Variants in POLDIP2 observed in about 807,000 individuals in gnomAD.
POLDIP2 encodes the protein DNA polymerase delta interacting protein 2, also known as polymerase delta-interacting protein 2.
Under a neutral mutation model 52.9 loss-of-function variants are expected in POLDIP2, and 32 were observed. That is an observed-to-expected ratio of 0.61 (90% CI 0.46 to 0.81). The LOEUF is 0.81. POLDIP2 is among the 40% of genes least tolerant of loss of function. POLDIP2 has a pLI of 0.00. For missense variants in POLDIP2, 371 were observed against 477.3 expected, an observed-to-expected ratio of 0.78 and a Z score of 2.07; for synonymous variants, 183 against 183.0, an observed-to-expected ratio of 1.00 and a Z score of 0.00.
At chr17:28,355,691 G>A (rs1555580766) in intron 2 of POLDIP2, 104 bp downstream of exon 2, 1 of 553,976 alleles carries the variant, frequency 1.8e-6, no homozygotes, top group Non-Finnish European at 3.2e-6. Context: ...ACATCAAGGT[G>A]GAATGAATGG....
chr17:28,354,806 A>T (rs1555580623), intron 2 of POLDIP2, among the ~76,000 whole-genome samples: 2 of 152,170 alleles, frequency 1.3e-5, no homozygotes, highest in Non-Finnish European at 2.9e-5. Flanking sequence ...GGCCTCCAGG[A>T]AGCCTTCCCT....
chr17:28,357,499 C>T lies in POLDIP2; in HGVS notation c.-51G>A. The stretch of plus-strand genomic sequence containing the variant: ...GCTGACACAGAGCCCGACCCGCGGC[C>T]GGGCGGCGTTCCGCCCCAGTCCCAC... On this transcript the variant is annotated 5_prime_UTR_variant, in exon 1 of 11. Coordinates refer to ENST00000540200, the MANE Select transcript of POLDIP2 (RefSeq NM_015584.5). 3 of 1,433,822 alleles carry T rather than the reference C, an allele frequency of 2.1e-6. No homozygotes were observed. The highest frequency in any genetic ancestry group is 2.7e-6 in the Non-Finnish European group (3 of 1,104,812). The allele number at this position is 1,433,822 out of a possible 1,614,324, so 88.8% of individuals were successfully genotyped here.
At chr17:28,353,520 C>CA (rs71135829) in intron 4 of POLDIP2, among the ~76,000 whole-genome samples, 175 bp downstream of exon 4, 40,820 of 54,908 alleles carry the variant, frequency 0.74, 16,106 homozygotes, top group Middle Eastern at 0.82. Context: ...GACTCCATAT[C>CA]AAAAAAAAAA....
intron 6 of POLDIP2, among the ~76,000 whole-genome samples, chr17:28,352,237 CTTT>C (rs782311219): frequency 1.0e-4 from 9 of 87,646 alleles, no homozygotes; most frequent in African/African-American, 1.9e-4. Context: ...GGAATTATTT[CTTT>C]TTTTTTTTTT....
intron 2 of POLDIP2, among the ~76,000 whole-genome samples, chr17:28,354,837 C>T (rs61504066): frequency 0.013 from 2,034 of 152,318 alleles, 42 homozygotes; most frequent in African/African-American, 0.046. Context: ...CCACTTAGCA[C>T]AATGTACAGC....
intron 4 of POLDIP2, 49 bp from the exon 5 acceptor site, chr17:28,353,365 T>C: frequency 9.7e-7 from 1 of 1,029,440 alleles, no homozygotes; most frequent in Non-Finnish European, 1.5e-6. Flanking sequence ...TGCTAAAAAG[T>C]ACAAAAATTA....
At position 28,349,030 on chromosome 17, in the gene POLDIP2, C is replaced by T. The variant is rs1399886360; in HGVS notation, c.992+53G>A. ...TCTAAGCTCTCACTTTTCTGACCTA[C>T]AGCTTCTGTTTGTGGAGCTGGGTGG... On this transcript the variant is annotated intron_variant, in intron 10 of 10. Transcript: ENST00000540200. The T allele has an allele frequency of 1.9e-5, 25 of 1,310,564 alleles. No individual in the cohort carries two copies. In the Admixed American group the frequency reaches 4.5e-4, roughly 24 times the overall value. The allele number at this position is 1,310,564 out of a possible 1,614,324, so 81.2% of individuals were successfully genotyped here. A position where few individuals can be genotyped will look rare whatever the true frequency, so the allele number is the denominator to read the frequency against.
At chr17:28,350,612 A>AC in intron 8 of POLDIP2, 49 bp from the exon 9 acceptor site, 1 of 1,599,692 alleles carries the variant, frequency 6.3e-7, no homozygotes, top group South Asian at 1.1e-5. Flanking sequence ...AATTTGGGTA[A>AC]CCCTCCTCAG....
chr17:28,346,776 G>A lies in POLDIP2; in HGVS notation c.*1341C>T, dbSNP rs904159817. 6.6e-6 allele frequency: 1 copy of A among 152,302 alleles called. No homozygotes were observed. Among genetic ancestry groups the A allele is most frequent in the Admixed American group, 6.5e-5 (1 of 15,300 alleles). 9.4% of individuals were successfully genotyped at this position (152,302 alleles called of 1,614,324 possible). On this transcript the variant is annotated 3_prime_UTR_variant, in exon 11 of 11. Transcript: ENST00000540200. ...CCCAGGGGTAAGTAAACAAAGTATG[G>A]ATGAAGGTCAGATTTTCTTGTCAGT...
At chr17:28,349,336 A>G (rs1907707539) in intron 9 of POLDIP2, among the ~76,000 whole-genome samples, 174 bp from the exon 10 acceptor site, 1 of 7,668 alleles carries the variant, frequency 1.3e-4, no homozygotes. Context: ...CCTCCCATAG[A>G]TGGCCATTTG....
At chr17:28,351,607 G>C in intron 7 of POLDIP2, 57 bp downstream of exon 7, 1 of 1,550,588 alleles carries the variant, frequency 6.4e-7, no homozygotes, top group Non-Finnish European at 8.9e-7. Context: ...TCACCTTAAG[G>C]ACACCATACA....
At chr17:28,348,920 T>C (rs1441330081) in intron 10 of POLDIP2, among the ~76,000 whole-genome samples, 163 bp downstream of exon 10, 2 of 152,146 alleles carry the variant, frequency 1.3e-5, no homozygotes, top group Non-Finnish European at 2.9e-5. Flanking sequence ...CAGGCGGTAA[T>C]AGAAAATCAG....
rs782554555 is a variant in POLDIP2, at chr17:28,350,516, C to A, written c.834G>T (p.Gln278His). 5 of 1,613,650 alleles carry A rather than the reference C, an allele frequency of 3.1e-6. No homozygotes were observed. Among genetic ancestry groups the A allele is most frequent in the Non-Finnish European group, 8.5e-7 (1 of 1,179,740 alleles). Residue 278 changes from glutamine (Q) to histidine (H), a missense_variant, in exon 9 of 11, where the codon CAG becomes CAT. Transcript: ENST00000540200. ...RLENLDSDVV[Q>H]LRERHWRIFS... is the part of the protein sequence containing the mutation. Reference sequence around the variant, plus strand: ...ATATCCTCCAGTGCCGCTCCCGGAGCTGTACCACATCACTGTCAAGGTTCT... The same window carrying A: ...ATATCCTCCAGTGCCGCTCCCGGAGATGTACCACATCACTGTCAAGGTTCT...
Position 28,347,347 on chromosome 17 carries a change from A to G in POLDIP2, c.*770T>C, listed in dbSNP as rs1744683452. 1 of 152,214 alleles carries G rather than the reference A, an allele frequency of 6.6e-6. No individual in the cohort carries two copies. The highest frequency in any genetic ancestry group is 1.5e-5 in the Non-Finnish European group (1 of 68,040). 9.4% of individuals were successfully genotyped at this position (152,214 alleles called of 1,614,324 possible). On this transcript the variant is annotated 3_prime_UTR_variant, in exon 11 of 11. Coordinates refer to ENST00000540200, the MANE Select transcript of POLDIP2 (RefSeq NM_015584.5). ...CAGGAAGTAGCTTGACTTAGTCATC[A>G]ATCCATACCTAAAGCTGCTCCTCAG...
At position 28,350,455 on chromosome 17, in the gene POLDIP2, G is replaced by A. The variant is rs1555579729; in HGVS notation, c.895C>T (p.Arg299Ter). 2.5e-6 allele frequency: 4 copies of A among 1,610,484 alleles called. No homozygotes were observed. The highest frequency in any genetic ancestry group is 1.3e-5 in the African/African-American group (1 of 74,804). ...LSGTLETVRG[R>*]GVVGREPVLS... Reference sequence around the variant, plus strand: ...ATGCTCACCCTGCCCACTACCCCTCGGCCTCGCACTGTCTCCAAGGTGCCA... The same window carrying A: ...ATGCTCACCCTGCCCACTACCCCTCAGCCTCGCACTGTCTCCAAGGTGCCA... Residue 299 changes from arginine to a stop codon, truncating the protein, a stop_gained, in exon 9 of 11, where the codon CGA (arginine) becomes TGA (stop). Transcript: ENST00000540200. LOFTEE classifies it high-confidence loss of function.
intron 6 of POLDIP2, 51 bp from the exon 7 acceptor site, chr17:28,351,851 G>T (rs1371675608): frequency 8.4e-6 from 13 of 1,546,218 alleles, no homozygotes; most frequent in Middle Eastern, 1.9e-4. Flanking sequence ...GGATACAATT[G>T]TATCTAGTCC....
In POLDIP2 at chr17:28,353,358, TA is replaced by T. The variant is rs1423364611; in HGVS notation, c.439-43del. The T allele has an allele frequency of 2.7e-6, 3 of 1,117,194 alleles. No individual in the cohort carries two copies. The African/African-American group carries it at 4.6e-5, about 17-fold the overall frequency. The allele number at this position is 1,117,194 out of a possible 1,614,324, so 69.2% of individuals were successfully genotyped here. On this transcript the variant is annotated intron_variant, in intron 4 of 10. Coordinates refer to ENST00000540200, the MANE Select transcript of POLDIP2 (RefSeq NM_015584.5). ...ATCAGTGGTGAAACCATGTCTCTGCTAAAAAGTACAAAAATTAGGCTGGTGT... is the reference window on the plus strand; with the variant it reads ...ATCAGTGGTGAAACCATGTCTCTGCTAAAAGTACAAAAATTAGGCTGGTGT...
At chr17:28,348,844 C>T (rs1298130692) in intron 10 of POLDIP2, among the ~76,000 whole-genome samples, 1 of 152,244 alleles carries the variant, frequency 6.6e-6, no homozygotes, top group African/African-American at 2.4e-5. Flanking sequence ...AGCAATTCTG[C>T]AGCATCAAAT....
At chr17:28,353,928 C>A (rs1339994651) in intron 3 of POLDIP2, 137 bp from the exon 4 acceptor site, 3 of 664,294 alleles carry the variant, frequency 4.5e-6, no homozygotes, top group Admixed American at 2.2e-5. Flanking sequence ...GACACCTGCT[C>A]TGCAGCACCT....
Sources: allele counts gnomAD v4.1 joint callset (sites outside exome capture counted in the v4.1 genomes callset), GRCh38; gene constraint gnomAD v4.1.1; transcripts MANE v1.5; gene names NCBI Gene and HGNC (gene_info 2026-07-23, HGNC 2026-07-21).